The following JHY variants were observed in gnomAD, a reference collection of about 807,000 sequenced individuals.
JHY encodes jhy protein homolog.
Under a neutral mutation model 78.0 loss-of-function variants are expected in JHY, and 69 were observed. That is an observed-to-expected ratio of 0.88 (90% confidence interval 0.73 to 1.08). The LOEUF (loss-of-function observed/expected upper bound fraction) is 1.08. Ranked by LOEUF, JHY falls within the 50% of genes least tolerant of loss-of-function variation. JHY has a pLI of 0.00. For missense variants in JHY, 944 were observed against 927.8 expected (o/e 1.02, Z -0.23); for synonymous variants, 368 against 342.6 (o/e 1.07, Z -0.82).
At chr11:122,894,058 C>T (rs1337054900) in intron 2 of JHY, among the ~76,000 whole-genome samples, 3 of 152,092 alleles carry the variant, frequency 2.0e-5, no homozygotes, top group Non-Finnish European at 4.4e-5. Flanking sequence ...TGGTGGCTTA[C>T]GTTTATAATC....
intron 2 of JHY, among the ~76,000 whole-genome samples, chr11:122,888,149 T>G (rs937998054): frequency 6.6e-6 from 1 of 152,170 alleles, no homozygotes; most frequent in Admixed American, 6.6e-5. Context: ...ACCAAGGTGC[T>G]AGAGGCGCAA....
intron 4 of JHY, among the ~76,000 whole-genome samples, chr11:122,929,687 G>C (rs12796643): frequency 6.6e-6 from 1 of 152,134 alleles, no homozygotes; most frequent in African/African-American, 2.4e-5. Flanking sequence ...GACTTGAAAA[G>C]ACTAAATACC....
chr11:122,899,521 T>G (rs1350839091), intron 2 of JHY, among the ~76,000 whole-genome samples: 1 of 152,210 alleles, frequency 6.6e-6, no homozygotes, highest in Non-Finnish European at 1.5e-5. Context: ...TAAATATTTA[T>G]GCTGTATTTG....
chr11:122,941,856 T>C (rs1366682641), intron 5 of JHY, among the ~76,000 whole-genome samples: 2 of 152,000 alleles, frequency 1.3e-5, no homozygotes, highest in African/African-American at 2.4e-5. Context: ...CTTTTTGTTG[T>C]TTGTTTTAGT....
intron 7 of JHY, 47 bp from the exon 8 acceptor site, chr11:122,957,316 A>G: frequency 6.7e-7 from 1 of 1,491,680 alleles, no homozygotes; most frequent in African/African-American, 1.5e-5. Context: ...GAGAGCAGAG[A>G]GAACTAGCAG....
At chr11:122,915,948 G>T (rs887215178) in intron 3 of JHY, among the ~76,000 whole-genome samples, 5 of 151,780 alleles carry the variant, frequency 3.3e-5, no homozygotes, top group Admixed American at 3.3e-4. Flanking sequence ...CTATACTGCT[G>T]GTCAAGAACT....
intron 5 of JHY, among the ~76,000 whole-genome samples, chr11:122,944,645 T>C (rs1018111951): frequency 1.3e-5 from 2 of 152,232 alleles, no homozygotes; most frequent in Admixed American, 6.5e-5. Context: ...AATTGTTTAT[T>C]AATGTCTCTG....
At chr11:122,943,901 T>G (rs1357980929) in intron 5 of JHY, among the ~76,000 whole-genome samples, 1 of 152,224 alleles carries the variant, frequency 6.6e-6, no homozygotes, top group Non-Finnish European at 1.5e-5. Context: ...AAACTCACTT[T>G]TAACTAGTGA....
At chr11:122,914,191 TAA>T (rs1226306176) in intron 3 of JHY, among the ~76,000 whole-genome samples, 13 of 152,296 alleles carry the variant, frequency 8.5e-5, no homozygotes, top group African/African-American at 2.4e-4. Flanking sequence ...TATATAAATA[TAA>T]GTTATATTTA....
chr11:122,956,649 C>T (rs574825752), intron 7 of JHY, 73 bp downstream of exon 7: 31 of 1,267,150 alleles, frequency 2.4e-5, no homozygotes, highest in South Asian at 1.5e-4. Context: ...TTTATGAAGA[C>T]GCCCCCCAGA....
intron 6 of JHY, among the ~76,000 whole-genome samples, chr11:122,948,609 G>A (rs1864017259): frequency 6.6e-6 from 1 of 151,632 alleles, no homozygotes; most frequent in Non-Finnish European, 1.5e-5. Flanking sequence ...GCAGTATAAT[G>A]TTGCAAGCAA....
chr11:122,926,202 A>G (rs939563651), intron 4 of JHY, among the ~76,000 whole-genome samples: 37 of 89,702 alleles, frequency 4.1e-4, no homozygotes, highest in African/African-American at 8.5e-4. Context: ...AAAAAAAAAA[A>G]AAAAGAAAAA....
chr11:122,942,347 T>G (rs1271845594), intron 5 of JHY, among the ~76,000 whole-genome samples: 1 of 152,196 alleles, frequency 6.6e-6, no homozygotes, highest in African/African-American at 2.4e-5. Flanking sequence ...TTCTCTTTTA[T>G]CCATCTTTGT....
chr11:122,927,559 T>C (rs914752003), intron 4 of JHY, among the ~76,000 whole-genome samples: 2 of 152,096 alleles, frequency 1.3e-5, no homozygotes, highest in Non-Finnish European at 2.9e-5. Context: ...GCCTTCTTTT[T>C]AGTGCCTCCT....
chr11:122,915,424 C>T (rs1011304728), intron 3 of JHY, among the ~76,000 whole-genome samples: 1 of 152,208 alleles, frequency 6.6e-6, no homozygotes, highest in Non-Finnish European at 1.5e-5. Context: ...AGGTGCCTGA[C>T]TGTCCAGGGA....
intron 6 of JHY, among the ~76,000 whole-genome samples, chr11:122,954,643 C>G (rs1020774923): frequency 6.6e-6 from 1 of 152,118 alleles, no homozygotes; most frequent in Non-Finnish European, 1.5e-5. Context: ...CACAGCTGGT[C>G]GCGGTGACTC....
rs2135357010 is a variant in JHY at position 122,935,340 on chromosome 11, T to C, written c.1634+265T>C. 6.6e-6 allele frequency among the ~76,000 whole-genome samples: 1 copy of C among 152,074 alleles called. No individual in the cohort carries two copies. Among genetic ancestry groups the C allele is most frequent in the Admixed American group, 6.5e-5 (1 of 15,268 alleles). ...ACCTCCGCCTCCCGAGCTCAAGCAA[T>C]TCTCCTGGCCCAGCCTCCCAAGTAG... On this transcript the variant is annotated intron_variant, in intron 5 of 8. Coordinates refer to ENST00000227349, the MANE Select transcript of JHY (RefSeq NM_024806.4). This position sits in a 1 kb window ranked among gnomAD's most constrained non-coding sequence, Gnocchi z 4.5.
intron 4 of JHY, among the ~76,000 whole-genome samples, chr11:122,930,445 G>A (rs1863614056): frequency 6.6e-6 from 1 of 152,138 alleles, no homozygotes; most frequent in African/African-American, 2.4e-5. Flanking sequence ...CTTTTCATAG[G>A]AGAGACTTAA....
intron 7 of JHY, among the ~76,000 whole-genome samples, 161 bp from the exon 8 acceptor site, chr11:122,957,197 ATTAAC>A (rs143794192): frequency 0.18 from 28,070 of 151,964 alleles, 2,819 homozygotes; most frequent in East Asian, 0.3. Context: ...AGGAGAAACA[ATTAAC>A]TTAACCATTT....
Sources: allele counts gnomAD v4.1 joint callset (sites outside exome capture counted in the v4.1 genomes callset), GRCh38; gene constraint gnomAD v4.1.1; non-coding constraint Gnocchi (gnomAD v3.1); transcripts MANE v1.5; gene names NCBI Gene and HGNC (gene_info 2026-07-23, HGNC 2026-07-21).